The following FSIP2 variants were observed in gnomAD, a reference collection of about 807,000 sequenced individuals.
FSIP2 encodes fibrous sheath interacting protein 2.
In FSIP2, 367 loss-of-function variants were observed where a neutral mutation model predicts 510.5. That is an observed-to-expected ratio of 0.72 (90% CI 0.66 to 0.78). The LOEUF is 0.78. FSIP2 is among the 30% of genes least tolerant of loss of function. The probability of loss-of-function intolerance (pLI) is 0.00; values close to 1 mark genes in which losing one functional copy is unlikely to be tolerated. For synonymous variants in FSIP2, 2,601 were observed against 2,732.2 expected (o/e 0.95, Z 1.50); for missense variants, 7,594 against 7,901.7 (o/e 0.96, Z 1.48).
chr2:185,746,541 C>T (rs1692037561), intron 5 of FSIP2, 128 bp from the exon 6 acceptor site: 1 of 674,510 alleles, frequency 1.5e-6, no homozygotes, highest in South Asian at 2.8e-5. Context: ...GACAGAAAAA[C>T]AGTAAAATTC....
chr2:185,799,494 T>C (rs1308202714), intron 16 of FSIP2, among the ~76,000 whole-genome samples: 2 of 151,778 alleles, frequency 1.3e-5, no homozygotes, highest in African/African-American at 4.8e-5. Context: ...GGTGTTATTT[T>C]CTCAATTTAT....
upstream of FSIP2, chr2:185,738,778 GGGGCT>G: frequency 6.5e-7 from 1 of 1,536,004 alleles, no homozygotes; most frequent in Non-Finnish European, 8.7e-7. Flanking sequence ...CGCGGGGGGC[GGGGCT>G]GAGGTCGTTG....
intron 13 of FSIP2, among the ~76,000 whole-genome samples, chr2:185,768,702 T>C (rs1692546565): frequency 6.6e-6 from 1 of 152,106 alleles, no homozygotes; most frequent in South Asian, 2.1e-4. Flanking sequence ...TCATGAGGGT[T>C]TGTTGTACAG....
chr2:185,774,600 C>T (rs1574169549), intron 13 of FSIP2, among the ~76,000 whole-genome samples: 1 of 150,398 alleles, frequency 6.6e-6, no homozygotes, highest in African/African-American at 2.5e-5. Flanking sequence ...TTTTACTATA[C>T]TTTAAGTTTT....
Position 185,796,021 on chromosome 2 carries a change from A to T in FSIP2, c.8885A>T (p.Asn2962Ile). 1 of 1,533,888 alleles carries T rather than the reference A, an allele frequency of 6.5e-7. No individual in the cohort carries two copies. The highest frequency in any genetic ancestry group is 8.7e-7 in the Non-Finnish European group (1 of 1,145,820). The change falls in exon 16 of 23, where the codon AAC (asparagine) becomes ATC (isoleucine). Residue 2962 changes from asparagine (N) to isoleucine (I), a missense_variant. By Grantham distance (149) the Asn-to-Ile change is moderately radical (BLOSUM62 -3). Coordinates refer to ENST00000424728, the MANE Select transcript of FSIP2 (RefSeq NM_173651.4). ...ITAKSKYGFP[N>I]KHSLSSLPIY... is the part of the protein sequence containing the mutation. ...GCTAAAAGTAAATATGGTTTTCCAAACAAGCATAGCCTCAGCAGTTTACCA... is the reference window on the plus strand; with the variant it reads ...GCTAAAAGTAAATATGGTTTTCCAATCAAGCATAGCCTCAGCAGTTTACCA...
chr2:185,758,695 C>T (rs1245108531), intron 9 of FSIP2, among the ~76,000 whole-genome samples: 2 of 150,950 alleles, frequency 1.3e-5, no homozygotes, highest in African/African-American at 2.4e-5. Flanking sequence ...TCCTTGCTAC[C>T]TGGGAAGACA....
chr2:185,816,023 T>C (rs894654897), intron 19 of FSIP2, among the ~76,000 whole-genome samples: 1 of 152,036 alleles, frequency 6.6e-6, no homozygotes, highest in Non-Finnish European at 1.5e-5. Flanking sequence ...ATAACAGTTA[T>C]AGGGGACAAA....
chr2:185,765,474 G>C (rs1306567886), intron 13 of FSIP2: 2 of 151,932 alleles, frequency 1.3e-5, no homozygotes, highest in Admixed American at 6.6e-5. Flanking sequence ...CGTTATTTCT[G>C]AGGGCTCTGT....
Position 185,800,123 on chromosome 2 carries a change from ATC to A in FSIP2, c.10821_10822del (p.Leu3608SerfsTer18). The A allele has an allele frequency of 6.5e-7, 1 of 1,534,122 alleles. No homozygotes were observed. The highest frequency in any genetic ancestry group is 8.7e-7 in the Non-Finnish European group (1 of 1,145,622). On this transcript the variant is annotated frameshift_variant, in exon 17 of 23. Transcript: ENST00000424728. LOFTEE classifies it high-confidence loss of function. ...GGTGGCTTTGATGACCTCTTTCAGG[ATC>A]TCTTAGTAGGAGTGATTCATGTACT...
Position 185,808,813 on chromosome 2 carries a change from T to C in FSIP2, c.19507T>C (p.Leu6503=). 6.2e-7 allele frequency: 1 copy of C among 1,612,768 alleles called. No homozygotes were observed. The highest frequency in any genetic ancestry group is 2.2e-5 in the East Asian group (1 of 44,760). Residue 6503 remains leucine (L), a synonymous_variant, in exon 17 of 23, where the codon TTA becomes CTA. Coordinates refer to ENST00000424728, the MANE Select transcript of FSIP2 (RefSeq NM_173651.4). ...ACATGCTTTTAATGTGATTCCTGAA[T>C]TAGAGCAAGAAAAGTTAGATCAAAA... ...QEHAFNVIPE[L]EQEKLDQNLS...
rs1171649008 is a variant in FSIP2 at position 185,775,648 on chromosome 2, G to GT, written c.1412-7051dup. Reference sequence around the variant, plus strand: ...TTAACTCTATCTTCCAAAATTGTGGGTTTTTTGTTTTGTTTGTTTGTTTTT... The same window carrying GT: ...TTAACTCTATCTTCCAAAATTGTGGGTTTTTTTGTTTTGTTTGTTTGTTTTT... On this transcript the variant is annotated intron_variant, in intron 13 of 22. Coordinates refer to ENST00000424728, the MANE Select transcript of FSIP2 (RefSeq NM_173651.4). 2.6e-5 allele frequency among the ~76,000 whole-genome samples: 4 copies of GT among 151,964 alleles called. No homozygotes were observed. In the East Asian group the frequency reaches 5.8e-4, roughly 22 times the overall value.
intron 13 of FSIP2, among the ~76,000 whole-genome samples, chr2:185,772,828 T>C (rs916766125): frequency 4.6e-5 from 6 of 131,322 alleles, no homozygotes; most frequent in African/African-American, 1.7e-4. Flanking sequence ...CCTCTCCTCT[T>C]CTCTTTTTCT....
At chr2:185,828,721 A>T (rs1268071009) in intron 21 of FSIP2, among the ~76,000 whole-genome samples, 2 of 151,880 alleles carry the variant, frequency 1.3e-5, no homozygotes, top group Admixed American at 6.6e-5. Flanking sequence ...GTGTGAGCCA[A>T]GAAAATTTCC....
chr2:185,793,856 A>G lies in FSIP2; in HGVS notation c.6720A>G (p.Lys2240=). The stretch of plus-strand genomic sequence containing the variant: ...TAGTAGAGAAAGAAGACACTCAGAA[A>G]TCTGCTACTGACTCATGTGAGGAAA... ...ITVVEKEDTQ[K]SATDSCEENA... Residue 2240 remains lysine, a synonymous_variant, in exon 16 of 23, where the codon AAA becomes AAG. Transcript: ENST00000424728. 6.5e-7 allele frequency: 1 copy of G among 1,532,224 alleles called. No homozygotes were observed. The highest frequency in any genetic ancestry group is 1.7e-4 in the Middle Eastern group (1 of 5,966). The allele number at this position is 1,532,224 out of a possible 1,614,324, so 94.9% of individuals were successfully genotyped here.
rs1361073500 is a variant in FSIP2 at position 185,806,793 on chromosome 2, G to A, written c.17487G>A (p.Met5829Ile). 4 of 1,611,858 alleles carry A rather than the reference G, an allele frequency of 2.5e-6. No homozygotes were observed. In the Admixed American group the frequency reaches 5.0e-5, roughly 20 times the overall value. Residue 5829 changes from methionine to isoleucine, a missense_variant, in exon 17 of 23, where the codon ATG (methionine) becomes ATA (isoleucine). Physicochemically the swap from Met to Ile is conservative, Grantham distance 10. Transcript: ENST00000424728. ...QNQAKLYDTA[M>I]KLINSLLKEF... ...AAGCCAAACTCTATGACACTGCTAT[G>A]AAACTCATCAATTCACTGTTAAAGG...
In FSIP2 at chr2:185,792,682, C is replaced by T; in HGVS notation, c.5546C>T (p.Thr1849Ile). Residue 1849 changes from threonine (T) to isoleucine (I), a missense_variant, in exon 16 of 23, where the codon ACT (threonine) becomes ATT (isoleucine). Physicochemically the swap from Thr to Ile is moderately conservative, Grantham distance 89. Coordinates refer to ENST00000424728, the MANE Select transcript of FSIP2 (RefSeq NM_173651.4). ...ITIVTDNIVR[T>I]VFHKLYSAAM... ...ATAGTAACAGATAATATTGTTAGGA[C>T]TGTATTTCACAAACTTTATTCAGCT... is the stretch of plus-strand genomic sequence containing the variant. The T allele has an allele frequency of 6.5e-7, 1 of 1,533,158 alleles. No individual in the cohort carries two copies. Among genetic ancestry groups the T allele is most frequent in the Non-Finnish European group, 8.7e-7 (1 of 1,144,792 alleles). 95.0% of individuals were successfully genotyped at this position (1,533,158 alleles called of 1,614,324 possible).
intron 13 of FSIP2, among the ~76,000 whole-genome samples, chr2:185,767,810 G>A (rs996184266): frequency 6.6e-6 from 1 of 152,102 alleles, no homozygotes; most frequent in African/African-American, 2.4e-5. Flanking sequence ...TAATGCTGCA[G>A]TAAACATGAG....
At position 185,793,109 on chromosome 2, in the gene FSIP2, G is replaced by C; in HGVS notation, c.5973G>C (p.Leu1991Phe). 1 of 1,534,364 alleles carries C rather than the reference G, an allele frequency of 6.5e-7. No individual in the cohort carries two copies. Among genetic ancestry groups the C allele is most frequent in the East Asian group, 2.4e-5 (1 of 40,838 alleles). ...VDHTKSGKTN[L>F]CQLSLSKLNT... ...ATACCAAGTCAGGAAAGACCAACTTGTGCCAACTGTCTTTGTCTAAATTAA... is the reference window on the plus strand; with the variant it reads ...ATACCAAGTCAGGAAAGACCAACTTCTGCCAACTGTCTTTGTCTAAATTAA... Residue 1991 changes from leucine (L) to phenylalanine (F), a missense_variant, in exon 16 of 23, where the codon TTG becomes TTC. Physicochemically the swap from Leu to Phe is conservative, Grantham distance 22. Coordinates refer to ENST00000424728, the MANE Select transcript of FSIP2 (RefSeq NM_173651.4).
chr2:185,738,872 G>C lies in FSIP2; in HGVS notation c.-23G>C. On this transcript the variant is annotated 5_prime_UTR_variant, in exon 1 of 23. Coordinates refer to ENST00000424728, the MANE Select transcript of FSIP2 (RefSeq NM_173651.4). ...AAGGAGAGCGGGGCGGGTGAGGAAG[G>C]GGCTGAGGGGGCTGTGCCGGCCATG... 6.6e-7 allele frequency: 1 copy of C among 1,518,022 alleles called. No homozygotes were observed. The allele number at this position is 1,518,022 out of a possible 1,614,324, so 94.0% of individuals were successfully genotyped here.
Sources: gnomAD v4.1 joint callset for allele counts (sites outside exome capture counted in the v4.1 genomes callset) on GRCh38, gnomAD v4.1.1 for gene constraint, MANE v1.5 for transcripts, NCBI Gene and HGNC (gene_info 2026-07-23, HGNC 2026-07-21) for gene names.